Variants in MED12L observed in about 807,000 individuals in gnomAD.
MED12L encodes the protein mediator of RNA polymerase II transcription subunit 12-like protein.
MED12L carries 60 observed loss-of-function variants against 281.3 expected under a neutral mutation model. The ratio of observed to expected loss-of-function variants is 0.21; its 90% confidence interval spans 0.17 to 0.26. The LOEUF (loss-of-function observed/expected upper bound fraction) is 0.26, where lower values mean the gene tolerates loss of function less well. Among genes scored for constraint, MED12L ranks in the 10% least tolerant of loss-of-function variants. MED12L has a pLI of 1.00. For synonymous variants in MED12L, 974 were observed against 987.2 expected, an observed-to-expected ratio of 0.99 and a Z score of 0.25; for missense variants, 2,146 against 2,680.9, an observed-to-expected ratio of 0.80 and a Z score of 4.41.
chr3:151,394,589 T>G, intron 38 of MED12L, 67 bp from the exon 39 acceptor site: 1 of 1,593,238 alleles, frequency 6.3e-7, no homozygotes. Flanking sequence ...TTTCTGTGTT[T>G]TGATACATAA....
chr3:151,423,143 C>T (rs971269157), intron 43 of MED12L, among the ~76,000 whole-genome samples: 2 of 151,488 alleles, frequency 1.3e-5, no homozygotes, highest in Non-Finnish European at 2.9e-5. Flanking sequence ...CCTCAGCATC[C>T]CGAGTAGCTG....
chr3:151,097,922 T>C (rs1233139330), intron 2 of MED12L, among the ~76,000 whole-genome samples: 1 of 152,164 alleles, frequency 6.6e-6, no homozygotes, highest in African/African-American at 2.4e-5. Flanking sequence ...GTGCTGTGGA[T>C]AGAGAAAGAG....
chr3:151,191,344 T>G (rs1045527338), intron 14 of MED12L, among the ~76,000 whole-genome samples: 2 of 152,246 alleles, frequency 1.3e-5, no homozygotes, highest in African/African-American at 2.4e-5. Flanking sequence ...TATATCACTC[T>G]TTTATTCATA....
intron 16 of MED12L, among the ~76,000 whole-genome samples, chr3:151,300,815 A>T (rs1745810894): frequency 6.6e-6 from 1 of 152,176 alleles, no homozygotes; most frequent in South Asian, 2.1e-4. Context: ...ATAGCAGGGA[A>T]AGGGCATGTG....
chr3:151,426,681 A>G (rs1285365176), intron 43 of MED12L, among the ~76,000 whole-genome samples: 8 of 152,236 alleles, frequency 5.3e-5, no homozygotes, highest in Admixed American at 3.3e-4. Context: ...TTACCATGTT[A>G]GAAATCAAAT....
At chr3:151,257,504 C>T (rs756098094) in intron 16 of MED12L, among the ~76,000 whole-genome samples, 69 of 152,204 alleles carry the variant, frequency 4.5e-4, no homozygotes, top group Non-Finnish European at 8.1e-4. Context: ...GCACCCTCAT[C>T]GTTAGGAGAA....
At chr3:151,183,181 G>A (rs1722902318) in intron 11 of MED12L, among the ~76,000 whole-genome samples, 1 of 152,112 alleles carries the variant, frequency 6.6e-6, no homozygotes, top group Admixed American at 6.5e-5. Context: ...AAAATCTCCT[G>A]TAGTCCTCTC....
In MED12L at chr3:151,348,312, G is replaced by A. The variant is rs149615022; in HGVS notation, c.2251-1747G>A. ...TTAGTGCCCCCCTGTTTCCTTCCTA[G>A]GGTTCATATGTACACAAACCACCAG... On this transcript the variant is annotated intron_variant, in intron 16 of 44. Coordinates refer to ENST00000687756, the MANE Select transcript of MED12L (RefSeq NM_001393769.1). Among the ~76,000 whole-genome samples the A allele has an allele frequency of 5.4e-3, 747 of 138,812 alleles. 7 individuals carry two copies. The highest frequency in any genetic ancestry group is 0.02 in the African/African-American group (720 of 36,602). The allele number at this position is 138,812 out of a possible 152,430, so 91.1% of individuals were successfully genotyped here. A position where few individuals can be genotyped will look rare whatever the true frequency, so the allele number is the denominator to read the frequency against.
chr3:151,261,604 C>T (rs1363059178), intron 16 of MED12L, among the ~76,000 whole-genome samples: 3 of 152,092 alleles, frequency 2.0e-5, no homozygotes, highest in East Asian at 3.8e-4. Context: ...TGAGAACTTG[C>T]TGGAAATGCA....
chr3:151,243,112 T>G (rs1734566432), intron 16 of MED12L, among the ~76,000 whole-genome samples: 1 of 151,848 alleles, frequency 6.6e-6, no homozygotes, highest in Non-Finnish European at 1.5e-5. Context: ...AATATGGGGC[T>G]GTGTGAAAAG....
chr3:151,337,867 T>C, intron 16 of MED12L: 2 of 1,614,156 alleles, frequency 1.2e-6, no homozygotes, highest in Non-Finnish European at 1.7e-6. Flanking sequence ...TCTTTTTTCC[T>C]ATTGTCCTGG....
chr3:151,192,735 TCAGAATGACTTGCACATTTGTGA>T (rs1320606331), intron 15 of MED12L, 81 bp downstream of exon 15: 1 of 844,768 alleles, frequency 1.2e-6, no homozygotes, highest in Non-Finnish European at 1.9e-6. Context: ...TTCTGTGTTC[TCAGAATGACTTGCACATTTGTGA>T]TATGTAATCT....
chr3:151,206,802 G>A (rs1331183022), intron 16 of MED12L, among the ~76,000 whole-genome samples: 4 of 151,002 alleles, frequency 2.6e-5, no homozygotes, highest in African/African-American at 4.9e-5. Context: ...CCACCACCAC[G>A]CCCAGCTAAA....
At chr3:151,203,573 T>TA (rs1013206397) in intron 16 of MED12L, among the ~76,000 whole-genome samples, 5 of 152,050 alleles carry the variant, frequency 3.3e-5, no homozygotes, top group African/African-American at 1.2e-4. Flanking sequence ...AGTTAAAATT[T>TA]AAAAAATAGT....
intron 16 of MED12L, among the ~76,000 whole-genome samples, chr3:151,228,006 A>G (rs1226021800): frequency 6.6e-6 from 1 of 152,198 alleles, no homozygotes; most frequent in Non-Finnish European, 1.5e-5. Flanking sequence ...AATGGTAGGT[A>G]TGTTTCAGAT....
At chr3:151,325,135 A>T (rs1022939958) in intron 16 of MED12L, among the ~76,000 whole-genome samples, 10 of 152,178 alleles carry the variant, frequency 6.6e-5, no homozygotes, top group African/African-American at 2.4e-4. Flanking sequence ...AGATTGAATG[A>T]TTGTTTTATA....
Position 151,211,689 on chromosome 3 carries a change from C to T in MED12L, c.2250+18023C>T, listed in dbSNP as rs992849680. On this transcript the variant is annotated intron_variant, in intron 16 of 44. Coordinates refer to ENST00000687756, the MANE Select transcript of MED12L (RefSeq NM_001393769.1). ...TTGACATAGGTTCTTGCTCTGTTGC[C>T]CAGGCTGGAGTGCAGTAGCACAATC... 2.0e-5 allele frequency among the ~76,000 whole-genome samples: 3 copies of T among 152,120 alleles called. No homozygotes were observed. The East Asian group carries it at 5.8e-4, about 29-fold the overall frequency.
intron 16 of MED12L, chr3:151,198,341 T>A: frequency 1.1e-6 from 1 of 924,996 alleles, no homozygotes; most frequent in Non-Finnish European, 1.5e-6. Context: ...AGTTTTTTTT[T>A]GTTTTTTTTT....
chr3:151,278,109 G>T (rs758562378), intron 16 of MED12L, among the ~76,000 whole-genome samples: 37 of 152,194 alleles, frequency 2.4e-4, no homozygotes, highest in Non-Finnish European at 2.9e-4. Context: ...TTAGCATGGG[G>T]AAATATATTA....
Sources: gnomAD v4.1 joint callset for allele counts (sites outside exome capture counted in the v4.1 genomes callset) on GRCh38, gnomAD v4.1.1 for gene constraint, MANE v1.5 for transcripts, NCBI Gene and HGNC (gene_info 2026-07-23, HGNC 2026-07-21) for gene names.